FAF1: variants seen among roughly 807,000 people sequenced by gnomAD.
The protein encoded by FAF1 is Fas associated factor 1, also known as FAS-associated factor 1.
FAF1 carries 25 observed loss-of-function variants against 92.5 expected under a neutral mutation model. The ratio of observed to expected loss-of-function variants is 0.27; its 90% CI spans 0.20 to 0.38. The LOEUF (loss-of-function observed/expected upper bound fraction) is 0.38. FAF1 is among the 10% of genes least tolerant of loss of function. The pLI, the probability that FAF1 is intolerant of heterozygous loss-of-function variation, is 1.00. For missense variants in FAF1, 636 were observed against 793.3 expected, an observed-to-expected ratio of 0.80 and a Z score of 2.38; for synonymous variants, 234 against 273.2, an observed-to-expected ratio of 0.86 and a Z score of 1.42.
intron 13 of FAF1, among the ~76,000 whole-genome samples, chr1:50,542,800 G>T (rs1648821512): frequency 6.6e-6 from 1 of 152,148 alleles, no homozygotes; most frequent in South Asian, 2.1e-4. Context: ...CTAACGAGTT[G>T]CCAAATCAAC....
At position 50,822,895 on chromosome 1, in the gene FAF1, C is replaced by T. The variant is rs565260809; in HGVS notation, c.115-21218G>A. 2.0e-5 allele frequency among the ~76,000 whole-genome samples: 3 copies of T among 151,990 alleles called. No homozygotes were observed. The South Asian group carries it at 6.2e-4, about 32-fold the overall frequency. ...GTTCAAGCGATTCTCCTACCTCAGC[C>T]TCCTGAGAAGCTGGGGTTACAGGTG... On this transcript the variant is annotated intron_variant, in intron 2 of 18. Transcript: ENST00000396153.
rs1327839598 is a variant in FAF1 at position 50,705,741 on chromosome 1, C to T, written c.657+45G>A. On this transcript the variant is annotated intron_variant, in intron 7 of 18. Transcript: ENST00000396153. ...CCCTCTTTAACAGGGTCAACATTAG[C>T]TATAATGAGCTACCTTTATTTCTTA... is the stretch of plus-strand genomic sequence containing the variant. 7 of 1,061,654 alleles carry T rather than the reference C, an allele frequency of 6.6e-6. No homozygotes were observed. The South Asian group carries it at 8.9e-5, about 14-fold the overall frequency. 65.8% of individuals were successfully genotyped at this position (1,061,654 alleles called of 1,614,324 possible).
Position 50,752,138 on chromosome 1 carries a change from T to A in FAF1, c.368-7363A>T, listed in dbSNP as rs376546607. ...GCGCGTGCCACCACACCCAGCTAAC[T>A]TTTGCATTTTTAGTAGAGACGGGGG... On this transcript the variant is annotated intron_variant, in intron 4 of 18. Transcript: ENST00000396153. 3.7e-4 allele frequency among the ~76,000 whole-genome samples: 57 copies of A among 152,230 alleles called. 4 individuals carry two copies. Among genetic ancestry groups the A allele is most frequent in the African/African-American group, 1.3e-3 (56 of 41,534 alleles).
chr1:50,526,456 AT>A (rs1647812294), intron 15 of FAF1, among the ~76,000 whole-genome samples: 1 of 151,526 alleles, frequency 6.6e-6, no homozygotes, highest in Admixed American at 6.6e-5. Context: ...AATATTTATT[AT>A]TTTTAAATAA....
intron 1 of FAF1, among the ~76,000 whole-genome samples, chr1:50,889,512 A>G (rs1644701013): frequency 6.6e-6 from 1 of 152,064 alleles, no homozygotes; most frequent in African/African-American, 2.4e-5. Flanking sequence ...AGTGCTATAA[A>G]TTTCCCTCTA....
intron 8 of FAF1, among the ~76,000 whole-genome samples, chr1:50,616,683 T>G (rs1284175238): frequency 7.5e-6 from 1 of 132,958 alleles, no homozygotes; most frequent in Non-Finnish European, 1.5e-5. Flanking sequence ...GTATACTGAT[T>G]TTTTTTTTTT....
At chr1:50,668,067 T>C (rs1242209833) in intron 7 of FAF1, among the ~76,000 whole-genome samples, 2 of 152,224 alleles carry the variant, frequency 1.3e-5, no homozygotes, top group African/African-American at 4.8e-5. Context: ...CATAATTTTA[T>C]CTTTTCTAGT....
intron 13 of FAF1, among the ~76,000 whole-genome samples, chr1:50,559,916 A>G (rs550606471): frequency 3.2e-4 from 48 of 152,358 alleles, no homozygotes; most frequent in African/African-American, 1.1e-3. Flanking sequence ...TAAAGGGAAT[A>G]AAGAAGTTTG....
intron 15 of FAF1, among the ~76,000 whole-genome samples, chr1:50,527,579 TAATAG>T (rs148474775): frequency 1.2e-4 from 18 of 152,328 alleles, no homozygotes; most frequent in Middle Eastern, 3.4e-3. Flanking sequence ...TTCTCACTGA[TAATAG>T]AATAAAGAGT....
At chr1:50,848,053 T>G (rs1372213137) in intron 2 of FAF1, among the ~76,000 whole-genome samples, 1 of 152,052 alleles carries the variant, frequency 6.6e-6, no homozygotes, top group Non-Finnish European at 1.5e-5. Flanking sequence ...AACTGAGAAT[T>G]TATTGCCAAC....
At chr1:50,798,114 G>C (rs1297754926) in intron 3 of FAF1, among the ~76,000 whole-genome samples, 1 of 150,008 alleles carries the variant, frequency 6.7e-6, no homozygotes, top group Non-Finnish European at 1.5e-5. Context: ...AGATAAACTT[G>C]TGAATCAAAT....
At chr1:50,562,937 C>T (rs1333121935) in intron 13 of FAF1, among the ~76,000 whole-genome samples, 1 of 152,212 alleles carries the variant, frequency 6.6e-6, no homozygotes, top group Non-Finnish European at 1.5e-5. Flanking sequence ...CTATACTGAA[C>T]ATGTACACTT....
intron 6 of FAF1, among the ~76,000 whole-genome samples, chr1:50,707,675 T>C (rs1284513212): frequency 1.3e-5 from 2 of 149,138 alleles, no homozygotes; most frequent in African/African-American, 5.0e-5. Context: ...GCCTGGGCGA[T>C]AGAGGGAGAC....
At chr1:50,479,405 TGACGCCACTTAGC>T (rs545202184) in intron 17 of FAF1, among the ~76,000 whole-genome samples, 125 of 152,352 alleles carry the variant, frequency 8.2e-4, no homozygotes, top group African/African-American at 2.9e-3. Context: ...GCGCTGTCCC[TGACGCCACTTAGC>T]AAATGCTGAC....
intron 17 of FAF1, among the ~76,000 whole-genome samples, chr1:50,483,519 A>T (rs1046663252): frequency 2.6e-5 from 4 of 152,186 alleles, no homozygotes; most frequent in Non-Finnish European, 4.4e-5. Context: ...AAAATCTTGT[A>T]GATATTTGAT....
chr1:50,445,337 GA>G (rs1370433943), intron 18 of FAF1, among the ~76,000 whole-genome samples: 1 of 152,164 alleles, frequency 6.6e-6, no homozygotes, highest in African/African-American at 2.4e-5. Flanking sequence ...AGCCAATGGA[GA>G]AATTGAGCCC....
chr1:50,486,348 C>T (rs1428801054), intron 17 of FAF1, among the ~76,000 whole-genome samples: 1 of 152,152 alleles, frequency 6.6e-6, no homozygotes. Flanking sequence ...CGACTGTGTT[C>T]TAAGTTTGTT....
At chr1:50,812,043 C>G (rs188082129) in intron 2 of FAF1, among the ~76,000 whole-genome samples, 2 of 152,142 alleles carry the variant, frequency 1.3e-5, no homozygotes, top group Non-Finnish European at 2.9e-5. Context: ...CCCTTCCATA[C>G]AGCATATACA....
chr1:50,797,116 A>G (rs142938491), intron 3 of FAF1, among the ~76,000 whole-genome samples: 140 of 152,248 alleles, frequency 9.2e-4, no homozygotes, highest in African/African-American at 3.3e-3. Flanking sequence ...AGCCTGGGTG[A>G]CAGAGTGAGA....
Sources: allele counts gnomAD v4.1 joint callset (sites outside exome capture counted in the v4.1 genomes callset), GRCh38; gene constraint gnomAD v4.1.1; transcripts MANE v1.5; gene names NCBI Gene and HGNC (gene_info 2026-07-23, HGNC 2026-07-21).